Variants in IRAK3 observed in about 807,000 individuals in gnomAD.
IRAK3 encodes interleukin-1 receptor-associated kinase 3.
In IRAK3, 57 loss-of-function variants were observed where a neutral mutation model predicts 56.6. The observed-to-expected ratio is 1.01, with a 90% CI of 0.81 to 1.26. The LOEUF (loss-of-function observed/expected upper bound fraction) is 1.26, where lower values mean the gene tolerates loss of function less well. IRAK3 is among the 50% of genes most tolerant of loss of function. IRAK3 has a pLI of 0.00. For missense variants in IRAK3, 703 were observed against 719.0 expected, an observed-to-expected ratio of 0.98 and a Z score of 0.25; for synonymous variants, 258 against 255.7, an observed-to-expected ratio of 1.01 and a Z score of -0.09.
At chr12:66,193,478 T>C (rs2052419282) in intron 1 of IRAK3, among the ~76,000 whole-genome samples, 2 of 152,206 alleles carry the variant, frequency 1.3e-5, no homozygotes, top group Admixed American at 1.3e-4. Context: ...CACATTATTA[T>C]TAACTAAAGT....
chr12:66,221,888 G>C (rs1368773362), intron 6 of IRAK3, among the ~76,000 whole-genome samples: 1 of 152,130 alleles, frequency 6.6e-6, no homozygotes, highest in Non-Finnish European at 1.5e-5. Flanking sequence ...AATTAGCCAG[G>C]TGTAGTGGTG....
chr12:66,226,979 C>A, intron 7 of IRAK3, 142 bp downstream of exon 7: 1 of 684,754 alleles, frequency 1.5e-6, no homozygotes, highest in Non-Finnish European at 2.7e-6. Context: ...GGAAGCAGTA[C>A]TTCTTGGATT....
intron 6 of IRAK3, among the ~76,000 whole-genome samples, chr12:66,226,166 C>T (rs1309361155): frequency 1.3e-5 from 2 of 151,660 alleles, no homozygotes; most frequent in Admixed American, 6.6e-5. Context: ...AATTTTCTGC[C>T]TTATATTTGG....
chr12:66,245,913 T>G (rs2053028713), intron 11 of IRAK3, among the ~76,000 whole-genome samples: 1 of 152,164 alleles, frequency 6.6e-6, no homozygotes, highest in South Asian at 2.1e-4. Flanking sequence ...TTTATTTGTT[T>G]ATTTGCACAA....
chr12:66,232,867 T>TAATTCAGG (rs1215751760), intron 8 of IRAK3, among the ~76,000 whole-genome samples: 1 of 152,134 alleles, frequency 6.6e-6, no homozygotes, highest in East Asian at 1.9e-4. Flanking sequence ...TTTCCCAGAG[T>TAATTCAGG]AATTCAGGGC....
chr12:66,217,796 CA>C (rs2136930559), intron 6 of IRAK3, among the ~76,000 whole-genome samples: 1 of 152,228 alleles, frequency 6.6e-6, no homozygotes, highest in Admixed American at 6.5e-5. Context: ...TCATCCTTTA[CA>C]AATAGGAAAC....
At chr12:66,212,873 G>T (rs1331582680) in intron 5 of IRAK3, among the ~76,000 whole-genome samples, 1 of 152,008 alleles carries the variant, frequency 6.6e-6, no homozygotes, top group African/African-American at 2.4e-5. Flanking sequence ...CACACCCAGG[G>T]CCTGTTGGGG....
chr12:66,245,896 C>G (rs1405571080), intron 11 of IRAK3, among the ~76,000 whole-genome samples: 2 of 151,856 alleles, frequency 1.3e-5, no homozygotes, highest in East Asian at 3.9e-4. Context: ...ACTTAATCAC[C>G]CATTCATTTA....
intron 6 of IRAK3, among the ~76,000 whole-genome samples, chr12:66,223,096 A>T (rs546904741): frequency 1.3e-5 from 2 of 152,268 alleles, no homozygotes; most frequent in South Asian, 4.1e-4. Flanking sequence ...CAGGAGAAGG[A>T]ATTTCACAAG....
Position 66,196,708 on chromosome 12 carries a change from T to C in IRAK3, c.134-7003T>C, listed in dbSNP as rs149039559. Reference sequence around the variant, plus strand: ...CTTATAAAATATATTAACTAGTAAGTGTTAATGCTAACAGTCTGGTATGAA... The same window carrying C: ...CTTATAAAATATATTAACTAGTAAGCGTTAATGCTAACAGTCTGGTATGAA... On this transcript the variant is annotated intron_variant, in intron 1 of 11. Coordinates refer to ENST00000261233, the MANE Select transcript of IRAK3 (RefSeq NM_007199.3). The C allele has an allele frequency of 2.9e-4, 54 of 188,218 alleles. No individual in the cohort carries two copies. In the South Asian group the frequency reaches 5.4e-3, roughly 19 times the overall value. 11.7% of individuals were successfully genotyped at this position (188,218 alleles called of 1,614,324 possible). A position where few individuals can be genotyped will look rare whatever the true frequency, so the allele number is the denominator to read the frequency against.
At chr12:66,231,283 G>T (rs1592596335) in intron 8 of IRAK3, among the ~76,000 whole-genome samples, 1 of 152,198 alleles carries the variant, frequency 6.6e-6, no homozygotes, top group African/African-American at 2.4e-5. Flanking sequence ...AGGCCAAAGT[G>T]GGCCAATTAC....
chr12:66,225,449 C>T (rs918615782), intron 6 of IRAK3, among the ~76,000 whole-genome samples: 2 of 151,856 alleles, frequency 1.3e-5, no homozygotes, highest in Non-Finnish European at 2.9e-5. Flanking sequence ...AATCCCCCTC[C>T]CCCGCCACGT....
intron 8 of IRAK3, among the ~76,000 whole-genome samples, chr12:66,231,886 A>G (rs1302804360): frequency 6.6e-6 from 1 of 152,220 alleles, no homozygotes; most frequent in Non-Finnish European, 1.5e-5. Flanking sequence ...GCTGGGCTCT[A>G]GTGAAAGTCT....
rs189849396 is a variant in IRAK3, at chr12:66,221,508, G to T, written c.653+4273G>T. ...TGTTAGCTGTGGGTTTGTCATATAT[G>T]GCATTTATTACATTGAGATACATTC... is the stretch of plus-strand genomic sequence containing the variant. On this transcript the variant is annotated intron_variant, in intron 6 of 11. Coordinates refer to ENST00000261233, the MANE Select transcript of IRAK3 (RefSeq NM_007199.3). Among the ~76,000 whole-genome samples, 334 of 152,230 alleles carry T rather than the reference G, an allele frequency of 2.2e-3. 2 individuals are homozygous for T. The highest frequency in any genetic ancestry group is 7.8e-3 in the African/African-American group (325 of 41,544).
At chr12:66,239,257 C>T (rs1472053019) in intron 8 of IRAK3, among the ~76,000 whole-genome samples, 4 of 148,378 alleles carry the variant, frequency 2.7e-5, no homozygotes. Flanking sequence ...GGGAAATGGT[C>T]TAGGAAAGAA....
At chr12:66,204,781 C>T (rs1415531475) in intron 2 of IRAK3, among the ~76,000 whole-genome samples, 1 of 29,060 alleles carries the variant, frequency 3.4e-5, no homozygotes, top group African/African-American at 2.6e-4. Context: ...CCCTTGCGCA[C>T]ACACACACAC....
At position 66,210,270 on chromosome 12, in the gene IRAK3, G is replaced by A. The variant is rs1293484268; in HGVS notation, c.436+69G>A. The A allele has an allele frequency of 8.2e-6, 7 of 857,596 alleles. No individual in the cohort carries two copies. The African/African-American group carries it at 1.0e-4, about 12-fold the overall frequency. 53.1% of individuals were successfully genotyped at this position (857,596 alleles called of 1,614,324 possible). A position where few individuals can be genotyped will look rare whatever the true frequency, so the allele number is the denominator to read the frequency against. On this transcript the variant is annotated intron_variant, in intron 4 of 11. Coordinates refer to ENST00000261233, the MANE Select transcript of IRAK3 (RefSeq NM_007199.3). ...TACTTTCATTTAAGTGAATTAAGAGGGAGAAATACCCAATAAACACAATAA... is the reference window on the plus strand; with the variant it reads ...TACTTTCATTTAAGTGAATTAAGAGAGAGAAATACCCAATAAACACAATAA...
chr12:66,193,135 G>A (rs1441284858), intron 1 of IRAK3, among the ~76,000 whole-genome samples: 1 of 151,946 alleles, frequency 6.6e-6, no homozygotes, highest in African/African-American at 2.4e-5. Context: ...AGCCTCCCGA[G>A]TAGCTGGGAT....
intron 9 of IRAK3, 128 bp from the exon 10 acceptor site, chr12:66,244,820 T>A: frequency 9.5e-7 from 1 of 1,051,636 alleles, no homozygotes; most frequent in East Asian, 2.6e-5. Flanking sequence ...TTTTGTGTAA[T>A]CAAGCAATTA....
Sources: gnomAD v4.1 joint callset for allele counts (sites outside exome capture counted in the v4.1 genomes callset) on GRCh38, gnomAD v4.1.1 for gene constraint, MANE v1.5 for transcripts, NCBI Gene and HGNC (gene_info 2026-07-23, HGNC 2026-07-21) for gene names.